NAV2: variants seen among roughly 807,000 people sequenced by gnomAD.
NAV2 encodes neuron navigator 2.
A neutral mutation model predicts 223.2 loss-of-function variants in NAV2; 54 were observed. That is an observed-to-expected ratio of 0.24 (90% confidence interval 0.19 to 0.30). The LOEUF (loss-of-function observed/expected upper bound fraction) is 0.30, where lower values mean the gene tolerates loss of function less well. Ranked by LOEUF, NAV2 falls within the 10% of genes least tolerant of loss-of-function variation. The pLI is 1.00. For synonymous variants in NAV2, 1,279 were observed against 1,239.3 expected, an observed-to-expected ratio of 1.03 and a Z score of -0.67; for missense variants, 2,806 against 3,147.5, an observed-to-expected ratio of 0.89 and a Z score of 2.60.
chr11:19,412,759 CTGCTGGTGATA>C (rs1460736308), intron 1 of NAV2, among the ~76,000 whole-genome samples: 3 of 152,236 alleles, frequency 2.0e-5, no homozygotes, highest in Non-Finnish European at 4.4e-5. Flanking sequence ...TCTGCAGCCT[CTGCTGGTGATA>C]CCCTGGCAAA....
At chr11:19,966,102 A>G (rs2048749508) in intron 10 of NAV2, among the ~76,000 whole-genome samples, 1 of 152,182 alleles carries the variant, frequency 6.6e-6, no homozygotes, top group African/African-American at 2.4e-5. Context: ...CTAGCCTTGG[A>G]AGGCAGAGAC....
chr11:19,823,680 T>C (rs2059502605), intron 1 of NAV2, among the ~76,000 whole-genome samples: 1 of 152,142 alleles, frequency 6.6e-6, no homozygotes, highest in Admixed American at 6.5e-5. Context: ...TTAAGGAAGG[T>C]CGAGCAACTC....
chr11:19,645,737 G>A (rs142233481), intron 1 of NAV2, among the ~76,000 whole-genome samples: 3 of 151,910 alleles, frequency 2.0e-5, no homozygotes, highest in Admixed American at 1.3e-4. Flanking sequence ...AAGCAATTGC[G>A]TTTTTTGCCA....
At position 20,051,336 on chromosome 11, in the gene NAV2, ATC is replaced by A; in HGVS notation, c.4481+5_4481+6del. ...ACTTTGCCTAAGAAAGGACTCAGGT[ATC>A]TGTGTTTCCTCCTTGCATCTGTGCC... On this transcript the variant is annotated splice_donor_5th_base_variant and intron_variant, in intron 17 of 37. Transcript: ENST00000349880. 1 of 1,613,896 alleles carries A rather than the reference ATC, an allele frequency of 6.2e-7. No individual in the cohort carries two copies. Among genetic ancestry groups the A allele is most frequent in the Non-Finnish European group, 8.5e-7 (1 of 1,179,764 alleles).
chr11:20,078,076 A>G lies in NAV2; in HGVS notation c.5151A>G (p.Val1717=). 1 of 1,613,484 alleles carries G rather than the reference A, an allele frequency of 6.2e-7. No homozygotes were observed. Among genetic ancestry groups the G allele is most frequent in the East Asian group, 2.2e-5 (1 of 44,842 alleles). The change falls in exon 24 of 38, where the codon GTA becomes GTG. Residue 1717 remains valine, a synonymous_variant. Transcript: ENST00000349880. ...CTGCCCAGGCTGCCATTAATGGAGT[A>G]ATTAACACACCTGAGCTCAACTGCA... ...NAAAQAAING[V]INTPELNCKG...
Position 20,069,785 on chromosome 11 carries a change from A to G in NAV2, c.4983+1387A>G, listed in dbSNP as rs116062115. Among the ~76,000 whole-genome samples the G allele has an allele frequency of 7.9e-3, 1,199 of 152,286 alleles. 13 individuals are homozygous for G. Among genetic ancestry groups the G allele is most frequent in the African/African-American group, 0.028 (1,151 of 41,556 alleles). On this transcript the variant is annotated intron_variant, in intron 22 of 37. Coordinates refer to ENST00000349880, the MANE Select transcript of NAV2 (RefSeq NM_145117.5). ...TTCAAGAGGCTGTCTTCCCTCAACT[A>G]GAAAACTGAGCCAGTCCCCCACATC...
At chr11:19,821,034 G>A (rs1178712163) in intron 1 of NAV2, among the ~76,000 whole-genome samples, 2 of 152,140 alleles carry the variant, frequency 1.3e-5, no homozygotes, top group South Asian at 2.1e-4. Flanking sequence ...AGGCCGAGGC[G>A]GGCAAATCAC....
chr11:19,799,026 G>A (rs530681238), intron 1 of NAV2, among the ~76,000 whole-genome samples: 15 of 152,298 alleles, frequency 9.8e-5, no homozygotes, highest in Admixed American at 9.8e-4. Context: ...GCAGAGGCTG[G>A]GTCCTGCAAG....
intron 1 of NAV2, among the ~76,000 whole-genome samples, chr11:19,512,071 C>T (rs1039675558): frequency 6.6e-6 from 1 of 152,200 alleles, no homozygotes; most frequent in African/African-American, 2.4e-5. Flanking sequence ...CATTGCTTTG[C>T]ATGGACAGGT....
intron 1 of NAV2, among the ~76,000 whole-genome samples, chr11:19,725,995 C>T (rs552576412): frequency 6.6e-6 from 1 of 152,312 alleles, no homozygotes; most frequent in African/African-American, 2.4e-5. Context: ...GGTCTGGTGG[C>T]TTCTAATCGA....
intron 1 of NAV2, among the ~76,000 whole-genome samples, chr11:19,466,135 A>AT (rs1312174692): frequency 6.6e-6 from 1 of 152,214 alleles, no homozygotes; most frequent in Non-Finnish European, 1.5e-5. Flanking sequence ...TTTTATTTAA[A>AT]TTTTTATAGC....
chr11:19,445,390 C>T (rs1436700060), intron 1 of NAV2, among the ~76,000 whole-genome samples: 2 of 152,132 alleles, frequency 1.3e-5, no homozygotes, highest in Non-Finnish European at 2.9e-5. Flanking sequence ...GGACTCTGAA[C>T]TCCTGGGAGG....
intron 11 of NAV2, chr11:20,022,996 G>A (rs1455839811): frequency 2.0e-6 from 3 of 1,471,606 alleles, no homozygotes; most frequent in Non-Finnish European, 2.8e-6. Flanking sequence ...CTGGGTGCCT[G>A]GGATTCCCTG....
At chr11:19,475,752 G>A (rs925240779) in intron 1 of NAV2, among the ~76,000 whole-genome samples, 1 of 152,192 alleles carries the variant, frequency 6.6e-6, no homozygotes, top group African/African-American at 2.4e-5. Context: ...AGGACGTGCA[G>A]ATAAAAGTCA....
At chr11:19,485,927 TG>T (rs1478961371) in intron 1 of NAV2, among the ~76,000 whole-genome samples, 2 of 152,098 alleles carry the variant, frequency 1.3e-5, no homozygotes, top group Non-Finnish European at 2.9e-5. Context: ...TGAACCTGAT[TG>T]CAGGGCAGGA....
chr11:19,741,315 TATA>T (rs2052774693), intron 1 of NAV2, among the ~76,000 whole-genome samples: 1 of 152,022 alleles, frequency 6.6e-6, no homozygotes, highest in Non-Finnish European at 1.5e-5. Context: ...CAGCATACAA[TATA>T]ATATTAACTA....
chr11:19,751,591 TAAAC>T lies in NAV2; in HGVS notation c.267+37631_267+37634del, dbSNP rs555223855. On this transcript the variant is annotated intron_variant, in intron 1 of 37. Transcript: ENST00000349880. ...GCTGTCTTAAATGCTTTTCCACCGATAAACACGAGCTTGCTCCTTTACTTCTTTA... is the reference window on the plus strand; with the variant it reads ...GCTGTCTTAAATGCTTTTCCACCGATACGAGCTTGCTCCTTTACTTCTTTA... Among the ~76,000 whole-genome samples, 319 of 152,340 alleles carry T rather than the reference TAAAC, an allele frequency of 2.1e-3. 2 individuals carry two copies. Among genetic ancestry groups the T allele is most frequent in the Non-Finnish European group, 1.4e-3 (92 of 68,026 alleles).
At chr11:19,383,267 C>A (rs1848913176) in intron 1 of NAV2, among the ~76,000 whole-genome samples, 1 of 152,200 alleles carries the variant, frequency 6.6e-6, no homozygotes, top group Non-Finnish European at 1.5e-5. Context: ...CTGTCCACCA[C>A]TTCCAGGCTT....
chr11:19,656,762 G>C (rs1331737648), intron 1 of NAV2, among the ~76,000 whole-genome samples: 1 of 152,180 alleles, frequency 6.6e-6, no homozygotes, highest in East Asian at 1.9e-4. Flanking sequence ...CAATGCTCTA[G>C]GGGGAGAAAA....
Sources: allele counts gnomAD v4.1 joint callset (sites outside exome capture counted in the v4.1 genomes callset), GRCh38; gene constraint gnomAD v4.1.1; transcripts MANE v1.5; gene names NCBI Gene and HGNC (gene_info 2026-07-23, HGNC 2026-07-21).